BLK: variants seen among roughly 807,000 people sequenced by gnomAD.
BLK encodes BLK proto-oncogene, Src family tyrosine kinase, also known as tyrosine-protein kinase Blk.
Under a neutral mutation model 61.8 loss-of-function variants are expected in BLK, and 64 were observed. That is an observed-to-expected ratio of 1.03 (90% CI 0.85 to 1.27). The LOEUF (loss-of-function observed/expected upper bound fraction) is 1.27, where lower values mean the gene tolerates loss of function less well. BLK is among the 50% of genes most tolerant of loss of function. The pLI is 0.00. For missense variants in BLK, 853 were observed against 660.5 expected (o/e 1.29, Z -3.19); for synonymous variants, 351 against 272.0 (o/e 1.29, Z -2.86).
At chr8:11,499,277 G>T (rs1253722168) in intron 1 of BLK, among the ~76,000 whole-genome samples, 1 of 152,244 alleles carries the variant, frequency 6.6e-6, no homozygotes. Flanking sequence ...ATGCCACAGA[G>T]CCTAGGGGTG....
At chr8:11,533,676 G>A (rs1240594102) in intron 1 of BLK, among the ~76,000 whole-genome samples, 1 of 150,258 alleles carries the variant, frequency 6.7e-6, no homozygotes, top group Non-Finnish European at 1.5e-5. Context: ...GGAGGGAGAT[G>A]GGGAGGGGGA....
intron 1 of BLK, among the ~76,000 whole-genome samples, chr8:11,494,959 T>C (rs1798310568): frequency 6.6e-6 from 1 of 152,190 alleles, no homozygotes; most frequent in Non-Finnish European, 1.5e-5. Context: ...GGAGGTGATA[T>C]TGACTGTGCA....
At chr8:11,543,429 G>A in intron 2 of BLK, 82 bp downstream of exon 2, 1 of 1,570,086 alleles carries the variant, frequency 6.4e-7, no homozygotes, top group Admixed American at 1.8e-5. Context: ...AATGGGTATA[G>A]CAAAAGTGCC....
At chr8:11,512,761 T>C (rs943402008) in intron 1 of BLK, among the ~76,000 whole-genome samples, 1 of 152,192 alleles carries the variant, frequency 6.6e-6, no homozygotes, top group South Asian at 2.1e-4. Context: ...CCTCCTGGGT[T>C]CAAGTGATTC....
At chr8:11,543,411 G>C (rs941234027) in intron 2 of BLK, 64 bp downstream of exon 2, 1 of 1,598,548 alleles carries the variant, frequency 6.3e-7, no homozygotes, top group Admixed American at 1.7e-5. Context: ...TAATGTCCAA[G>C]TTTGTAAAAT....
rs529916563 is a variant in BLK, at chr8:11,559,419, TCACA to T, written c.1029+1388_1029+1391del. On this transcript the variant is annotated intron_variant, in intron 10 of 12. Coordinates refer to ENST00000259089, the MANE Select transcript of BLK (RefSeq NM_001715.3). Reference sequence around the variant, plus strand: ...CAGACACACACACAGACACACAGACTCACACACACAAACTCACACAGACACACAA... The same window carrying T: ...CAGACACACACACAGACACACAGACTCACACAAACTCACACAGACACACAA... Among the ~76,000 whole-genome samples the T allele has an allele frequency of 9.9e-4, 123 of 124,168 alleles. 1 individual carries two copies. Among genetic ancestry groups the T allele is most frequent in the East Asian group, 7.7e-3 (38 of 4,912 alleles). The allele number at this position is 124,168 out of a possible 152,430, so 81.5% of individuals were successfully genotyped here.
At chr8:11,540,776 C>G (rs565563747) in intron 1 of BLK, among the ~76,000 whole-genome samples, 1 of 151,186 alleles carries the variant, frequency 6.6e-6, no homozygotes, top group Non-Finnish European at 1.5e-5. Flanking sequence ...GGGCCCCAGA[C>G]ACAGATGGCT....
At chr8:11,530,080 G>C (rs1451865368) in intron 1 of BLK, among the ~76,000 whole-genome samples, 1 of 152,184 alleles carries the variant, frequency 6.6e-6, no homozygotes, top group Non-Finnish European at 1.5e-5. Flanking sequence ...AAATAAGCTT[G>C]CCTTATTATA....
At chr8:11,518,113 G>T (rs1010222540) in intron 1 of BLK, among the ~76,000 whole-genome samples, 1 of 152,116 alleles carries the variant, frequency 6.6e-6, no homozygotes, top group African/African-American at 2.4e-5. Context: ...GTACGCAGTG[G>T]GTGAATAAGT....
chr8:11,503,722 A>T (rs914733832), intron 1 of BLK, among the ~76,000 whole-genome samples: 2 of 152,064 alleles, frequency 1.3e-5, no homozygotes, highest in Non-Finnish European at 2.9e-5. Flanking sequence ...GGAGGTTCCT[A>T]TGTGCAGGTG....
At chr8:11,495,405 A>C (rs1224732226) in intron 1 of BLK, among the ~76,000 whole-genome samples, 1 of 152,194 alleles carries the variant, frequency 6.6e-6, no homozygotes, top group Non-Finnish European at 1.5e-5. Flanking sequence ...GTTTGGACTA[A>C]GAGTATGGAA....
At position 11,529,401 on chromosome 8, in the gene BLK, G is replaced by C. The variant is rs550145255; in HGVS notation, c.-1-13823G>C. On this transcript the variant is annotated intron_variant, in intron 1 of 12. Transcript: ENST00000259089. Reference sequence around the variant, plus strand: ...TGGGTCAGAGATGAAATCACAGGGAGTCAAAGCTGTCTTCCTGCGCTGAGT... The same window carrying C: ...TGGGTCAGAGATGAAATCACAGGGACTCAAAGCTGTCTTCCTGCGCTGAGT... Among the ~76,000 whole-genome samples, 8 of 152,248 alleles carry C rather than the reference G, an allele frequency of 5.3e-5. No homozygotes were observed. The East Asian group carries it at 1.5e-3, about 29-fold the overall frequency.
At chr8:11,545,860 C>CG (rs1188171000) in intron 2 of BLK, 192 bp from the exon 3 acceptor site, 1 of 688,780 alleles carries the variant, frequency 1.5e-6, no homozygotes, top group Non-Finnish European at 2.6e-6. Context: ...CAGCAGAGGG[C>CG]GGGGGTCTGT....
chr8:11,502,259 A>T (rs1798591829), intron 1 of BLK, among the ~76,000 whole-genome samples: 2 of 151,918 alleles, frequency 1.3e-5, no homozygotes, highest in African/African-American at 4.8e-5. Context: ...TTCAACTTTA[A>T]TTTTTTATCA....
Position 11,564,195 on chromosome 8 carries a change from G to T in BLK, c.*87G>T. The T allele has an allele frequency of 1.4e-6, 2 of 1,442,060 alleles. No individual in the cohort carries two copies. The highest frequency in any genetic ancestry group is 1.9e-6 in the Non-Finnish European group (2 of 1,063,944). 89.3% of individuals were successfully genotyped at this position (1,442,060 alleles called of 1,614,324 possible). A position where few individuals can be genotyped will look rare whatever the true frequency, so the allele number is the denominator to read the frequency against. On this transcript the variant is annotated 3_prime_UTR_variant, in exon 13 of 13. Coordinates refer to ENST00000259089, the MANE Select transcript of BLK (RefSeq NM_001715.3). ...ATCCCAGACGGGCCGCGAAGGCGGG[G>T]TGTCGCCTGTGCCCTTTTCTCAGAC...
intron 1 of BLK, among the ~76,000 whole-genome samples, chr8:11,526,885 G>C (rs1214034043): frequency 6.6e-6 from 1 of 152,162 alleles, no homozygotes; most frequent in Non-Finnish European, 1.5e-5. Flanking sequence ...TGAATACATA[G>C]AGAAGGCCAT....
At position 11,558,852 on chromosome 8, in the gene BLK, G is replaced by A. The variant is rs578209084; in HGVS notation, c.1029+814G>A. On this transcript the variant is annotated intron_variant, in intron 10 of 12. Transcript: ENST00000259089. ...ACACACATACAGCTGCCACCGAGAG[G>A]AAACGCTCCCACCCACCGCCCACAT... The A allele has an allele frequency of 3.3e-3, 1,488 of 455,644 alleles. 30 individuals carry two copies. The highest frequency in any genetic ancestry group is 0.022 in the South Asian group (1,432 of 64,472). The allele number at this position is 455,644 out of a possible 1,614,324, so 28.2% of individuals were successfully genotyped here. A position where few individuals can be genotyped will look rare whatever the true frequency, so the allele number is the denominator to read the frequency against.
chr8:11,510,953 G>T (rs1264333334), intron 1 of BLK, among the ~76,000 whole-genome samples: 1 of 152,148 alleles, frequency 6.6e-6, no homozygotes, highest in Non-Finnish European at 1.5e-5. Flanking sequence ...TAAAGGAAAT[G>T]CTTTGGCATT....
intron 10 of BLK, chr8:11,558,599 G>C (rs1445671378): frequency 2.2e-6 from 1 of 453,496 alleles, no homozygotes; most frequent in Non-Finnish European, 4.4e-6. Context: ...GGAATTGCGA[G>C]TGCTGGACCT....
Sources: allele counts gnomAD v4.1 joint callset (sites outside exome capture counted in the v4.1 genomes callset), GRCh38; gene constraint gnomAD v4.1.1; transcripts MANE v1.5; gene names NCBI Gene and HGNC (gene_info 2026-07-23, HGNC 2026-07-21).